ATL1: variants seen among roughly 807,000 people sequenced by gnomAD.
The protein encoded by ATL1 is atlastin GTPase 1, also known as atlastin-1.
ATL1 carries 31 observed loss-of-function variants against 75.5 expected under a neutral mutation model. That is an observed-to-expected ratio of 0.41 (90% CI 0.31 to 0.55). The LOEUF is 0.55. Ranked by LOEUF, ATL1 falls within the 20% of genes least tolerant of loss-of-function variation. The pLI is 0.27. For synonymous variants in ATL1, 226 were observed against 233.3 expected, an observed-to-expected ratio of 0.97 and a Z score of 0.28; for missense variants, 405 against 662.6, an observed-to-expected ratio of 0.61 and a Z score of 4.27.
intron 11 of ATL1, among the ~76,000 whole-genome samples, chr14:50,624,238 T>C (rs2140235713): frequency 6.6e-6 from 1 of 152,224 alleles, no homozygotes; most frequent in South Asian, 2.1e-4. Flanking sequence ...CTTGCACTTT[T>C]TACAAATTGA....
upstream of ATL1, among the ~76,000 whole-genome samples, chr14:50,558,845 T>C (rs1233983280): frequency 6.6e-6 from 1 of 152,238 alleles, no homozygotes; most frequent in Non-Finnish European, 1.5e-5. Context: ...GTTTCATTAA[T>C]GTCATTTCAA....
intron 1 of ATL1, among the ~76,000 whole-genome samples, chr14:50,568,170 T>G (rs888802083): frequency 6.6e-6 from 1 of 152,252 alleles, no homozygotes; most frequent in African/African-American, 2.4e-5. Flanking sequence ...TTTGATACAG[T>G]GTTCCTAGGT....
At chr14:50,537,255 C>T (rs1427876571) in intron 1 of ATL1, among the ~76,000 whole-genome samples, 1 of 152,216 alleles carries the variant, frequency 6.6e-6, no homozygotes, top group Non-Finnish European at 1.5e-5. Context: ...CCAGCCTTGG[C>T]AGCTTCCACG....
In ATL1 at chr14:50,632,606, G is replaced by A; in HGVS notation, c.*267G>A. On this transcript the variant is annotated 3_prime_UTR_variant, in exon 14 of 14. Transcript: ENST00000358385. ...AAGTATTTGTCTATTTATGATAACAGTACACGTGTTCTGCTTGAATTTACT... is the reference window on the plus strand; with the variant it reads ...AAGTATTTGTCTATTTATGATAACAATACACGTGTTCTGCTTGAATTTACT... 1 of 303,114 alleles carries A rather than the reference G, an allele frequency of 3.3e-6. No homozygotes were observed. Among genetic ancestry groups the A allele is most frequent in the South Asian group, 3.6e-5 (1 of 27,588 alleles). 18.8% of individuals were successfully genotyped at this position (303,114 alleles called of 1,614,324 possible). A position where few individuals can be genotyped will look rare whatever the true frequency, so the allele number is the denominator to read the frequency against.
At chr14:50,534,585 G>A (rs2038469118) in intron 1 of ATL1, among the ~76,000 whole-genome samples, 4 of 152,232 alleles carry the variant, frequency 2.6e-5, no homozygotes, top group Admixed American at 2.6e-4. Context: ...CAAGACCCTG[G>A]AGTGCGGATA....
At chr14:50,576,955 G>C (rs1001722376) in intron 1 of ATL1, among the ~76,000 whole-genome samples, 5 of 151,918 alleles carry the variant, frequency 3.3e-5, no homozygotes, top group African/African-American at 2.4e-5. Context: ...CATAATATTT[G>C]TTCTTAGTAA....
intron 1 of ATL1, among the ~76,000 whole-genome samples, chr14:50,542,934 A>T (rs1413885061): frequency 1.3e-5 from 2 of 152,248 alleles, no homozygotes; most frequent in Non-Finnish European, 2.9e-5. Flanking sequence ...AGTAGCTAAT[A>T]GGTTGGTCAA....
chr14:50,598,434 C>T (rs2039241644), intron 6 of ATL1, among the ~76,000 whole-genome samples: 1 of 151,832 alleles, frequency 6.6e-6, no homozygotes, highest in African/African-American at 2.4e-5. Context: ...GATCTCGGCT[C>T]ACTACAACCT....
At chr14:50,564,011 G>A (rs997495450) in intron 1 of ATL1, among the ~76,000 whole-genome samples, 1 of 152,004 alleles carries the variant, frequency 6.6e-6, no homozygotes, top group African/African-American at 2.4e-5. Context: ...CATGCGATGA[G>A]GACAAGGAAT....
At chr14:50,578,202 G>T (rs11844497) in intron 1 of ATL1, among the ~76,000 whole-genome samples, 1,796 of 152,224 alleles carry the variant, frequency 0.012, 35 homozygotes, top group African/African-American at 0.041. Flanking sequence ...AAGCATCTCA[G>T]TATTTGATAC....
chr14:50,603,271 C>T (rs1595608540), intron 6 of ATL1, among the ~76,000 whole-genome samples: 1 of 152,234 alleles, frequency 6.6e-6, no homozygotes, highest in East Asian at 1.9e-4. Flanking sequence ...TTAATTCAGC[C>T]CAGTTTTCAC....
chr14:50,613,655 A>C (rs563357962), intron 7 of ATL1, among the ~76,000 whole-genome samples: 3 of 152,320 alleles, frequency 2.0e-5, no homozygotes, highest in African/African-American at 7.2e-5. Flanking sequence ...CCTGGAGTCA[A>C]TCTTAGAGCA....
intron 6 of ATL1, among the ~76,000 whole-genome samples, chr14:50,610,553 A>G (rs2039356199): frequency 6.6e-6 from 1 of 152,134 alleles, no homozygotes; most frequent in Non-Finnish European, 1.5e-5. Context: ...GGAGAAGTTG[A>G]CAGTGAAAGG....
chr14:50,553,330 A>G (rs2038725896), intron 1 of ATL1, among the ~76,000 whole-genome samples: 1 of 152,116 alleles, frequency 6.6e-6, no homozygotes, highest in Non-Finnish European at 1.5e-5. Flanking sequence ...AAATATATAC[A>G]GACAGCCAAC....
Position 50,590,934 on chromosome 14 carries a change from TTTA to T in ATL1, c.283-5_283-3del. ...AGTTCCATATCATAGACTTTATCAT[TTTA>T]TAGGAATCAGTTGATTGGGTTGGAG... is the stretch of plus-strand genomic sequence containing the variant. On this transcript the variant is annotated splice_region_variant and splice_polypyrimidine_tract_variant and intron_variant, in intron 2 of 13. Coordinates refer to ENST00000358385, the MANE Select transcript of ATL1 (RefSeq NM_015915.5). 1 of 1,613,394 alleles carries T rather than the reference TTTA, an allele frequency of 6.2e-7. No homozygotes were observed. Among genetic ancestry groups the T allele is most frequent in the Non-Finnish European group, 8.5e-7 (1 of 1,179,612 alleles).
intron 1 of ATL1, among the ~76,000 whole-genome samples, chr14:50,553,528 C>T (rs1198197130): frequency 1.3e-5 from 2 of 152,026 alleles, no homozygotes; most frequent in Admixed American, 6.5e-5. Context: ...ACAACCACTA[C>T]GGAAAACAGT....
chr14:50,612,567 G>C (rs937906248), intron 6 of ATL1, among the ~76,000 whole-genome samples: 28 of 152,046 alleles, frequency 1.8e-4, no homozygotes, highest in African/African-American at 5.1e-4. Context: ...CTTCCTTTTA[G>C]TCAGTTAATT....
At chr14:50,533,860 G>A (rs1357053064) in intron 1 of ATL1, among the ~76,000 whole-genome samples, 1 of 152,152 alleles carries the variant, frequency 6.6e-6, no homozygotes, top group Non-Finnish European at 1.5e-5. Context: ...CACCTTAACA[G>A]GACAGGGCAT....
intron 5 of ATL1, 104 bp downstream of exon 5, chr14:50,594,000 T>C (rs538495255): frequency 1.1e-6 from 1 of 901,172 alleles, no homozygotes; most frequent in Admixed American, 1.9e-5. Context: ...CTGATTCTGC[T>C]GTTTAAACAG....
Sources: allele counts gnomAD v4.1 joint callset (sites outside exome capture counted in the v4.1 genomes callset), GRCh38; gene constraint gnomAD v4.1.1; transcripts MANE v1.5; gene names NCBI Gene and HGNC (gene_info 2026-07-23, HGNC 2026-07-21).